PHLDB1: variants seen among roughly 807,000 people sequenced by gnomAD.
PHLDB1 encodes pleckstrin homology like domain family B member 1, also known as pleckstrin homology-like domain family B member 1.
Under a neutral mutation model 139.3 loss-of-function variants are expected in PHLDB1, and 65 were observed. The ratio of observed to expected loss-of-function variants is 0.47; its 90% CI spans 0.38 to 0.57. The LOEUF (loss-of-function observed/expected upper bound fraction) is 0.57. Ranked by LOEUF, PHLDB1 falls within the 20% of genes least tolerant of loss-of-function variation. PHLDB1 has a pLI of 0.00. For missense variants in PHLDB1, 1,624 were observed against 1,839.7 expected (o/e 0.88, Z 2.14); for synonymous variants, 679 against 734.5 (o/e 0.92, Z 1.22).
intron 4 of PHLDB1, among the ~76,000 whole-genome samples, chr11:118,623,169 A>G (rs1397918744): frequency 6.6e-6 from 1 of 152,246 alleles, no homozygotes; most frequent in East Asian, 1.9e-4. Flanking sequence ...CTTCTCTGCC[A>G]GTCTTAGCTC....
intron 20 of PHLDB1, chr11:118,651,474 G>A (rs1171461): frequency 0.33 from 49,931 of 151,490 alleles, 8,454 homozygotes; most frequent in Admixed American, 0.43. Flanking sequence ...GGACAACAGC[G>A]TGAGACTCTG....
In PHLDB1 at chr11:118,645,585, T is replaced by C. The variant is rs888027651; in HGVS notation, c.3351T>C (p.Ser1117=). The C allele has an allele frequency of 5.0e-6, 8 of 1,613,726 alleles. No homozygotes were observed. Among genetic ancestry groups the C allele is most frequent in the Non-Finnish European group, 5.9e-6 (7 of 1,179,828 alleles). The part of the protein sequence containing the change: ...HAYDTLSLES[S]DSMETSISTG... ...ATGATACGCTGAGTCTGGAGAGCTC[T>C]GACAGCATGGAGACCAGCATCTCCA... Residue 1117 remains serine, a synonymous_variant, in exon 16 of 23, where the codon TCT becomes TCC. Transcript: ENST00000600882. The surrounding 1 kb of genome is among the most constrained non-coding windows in gnomAD (Gnocchi z 5.1).
chr11:118,638,277 G>C (rs1945973602), intron 10 of PHLDB1, among the ~76,000 whole-genome samples: 1 of 152,224 alleles, frequency 6.6e-6, no homozygotes, highest in Admixed American at 6.5e-5. Flanking sequence ...TAAGGAGTTT[G>C]TGCTTTATCC....
chr11:118,642,583 G>A (rs1467212289), intron 13 of PHLDB1, among the ~76,000 whole-genome samples, 189 bp downstream of exon 13: 4 of 152,266 alleles, frequency 2.6e-5, no homozygotes, highest in Non-Finnish European at 5.9e-5. Context: ...GGCAACCGGG[G>A]GGCCAGCCTC....
rs782786071 is a variant in PHLDB1 at position 118,645,341 on chromosome 11, C to T, written c.3122-15C>T. 4.6e-6 allele frequency: 7 copies of T among 1,507,930 alleles called. No homozygotes were observed. The African/African-American group carries it at 7.0e-5, about 15-fold the overall frequency. 93.4% of individuals were successfully genotyped at this position (1,507,930 alleles called of 1,614,324 possible). ...GTGGGGAGCCCACTGTGACTCCCAT[C>T]TGTCTCTCCTTCAGGACAACAAGTG... On this transcript the variant is annotated splice_polypyrimidine_tract_variant and intron_variant, in intron 15 of 22. Transcript: ENST00000600882. The surrounding 1 kb of genome is among the most constrained non-coding windows in gnomAD (Gnocchi z 5.1).
chr11:118,627,877 C>T lies in PHLDB1; in HGVS notation c.1054C>T (p.Leu352=). ...CCGGAGAGCCACTGAGAGCCCCCGG[C>T]TGGGTGGGCAGCTGCCTGTGGTGGC... is the stretch of plus-strand genomic sequence containing the variant. ...EARRATESPR[L]GGQLPVVAIS... Residue 352 remains leucine, a synonymous_variant, in exon 6 of 23, where the codon CTG becomes TTG. Coordinates refer to ENST00000600882, the MANE Select transcript of PHLDB1 (RefSeq NM_001144758.3). 6.2e-7 allele frequency: 1 copy of T among 1,609,870 alleles called. No individual in the cohort carries two copies.
At chr11:118,642,619 T>C (rs963764402) in intron 13 of PHLDB1, among the ~76,000 whole-genome samples, 1 of 152,168 alleles carries the variant, frequency 6.6e-6, no homozygotes, top group Admixed American at 6.5e-5. Context: ...TCTGATTGAG[T>C]GTCTGGTGGA....
At position 118,655,852 on chromosome 11, in the gene PHLDB1, C is replaced by G. The variant is rs572325574; in HGVS notation, c.3961-8C>G. 6.8e-5 allele frequency: 110 copies of G among 1,611,266 alleles called. No individual in the cohort carries two copies. In the South Asian group the frequency reaches 1.1e-3, roughly 17 times the overall value. ...CTTTCTCTTCCTTTCTCCCTCTCCCCTTCCCAGAAGAGGTTTTTCCGCTTC... is the reference window on the plus strand; with the variant it reads ...CTTTCTCTTCCTTTCTCCCTCTCCCGTTCCCAGAAGAGGTTTTTCCGCTTC... On this transcript the variant is annotated splice_region_variant and splice_polypyrimidine_tract_variant and intron_variant, in intron 21 of 22. Coordinates refer to ENST00000600882, the MANE Select transcript of PHLDB1 (RefSeq NM_001144758.3).
At chr11:118,607,123 T>C (rs1428562351), upstream of PHLDB1, among the ~76,000 whole-genome samples, 1 of 151,702 alleles carries the variant, frequency 6.6e-6, no homozygotes, top group African/African-American at 2.4e-5. Flanking sequence ...TCTGGAGATG[T>C]TGAGAGCATG....
chr11:118,639,087 G>T, intron 11 of PHLDB1, 75 bp from the exon 12 acceptor site: 3 of 1,540,986 alleles, frequency 1.9e-6, no homozygotes, highest in Non-Finnish European at 2.7e-6. Flanking sequence ...AATGTGCTGG[G>T]GTGGAGCACA....
intron 20 of PHLDB1, chr11:118,651,044 C>G: frequency 6.2e-6 from 1 of 161,044 alleles, no homozygotes; most frequent in Non-Finnish European, 1.4e-5. Context: ...CGACTAGACC[C>G]TCTTGCTCTC....
intron 4 of PHLDB1, among the ~76,000 whole-genome samples, chr11:118,623,464 C>G (rs1243451707): frequency 6.6e-6 from 1 of 152,164 alleles, no homozygotes; most frequent in African/African-American, 2.4e-5. Flanking sequence ...CCTCCCCCTC[C>G]AGGTACTCAC....
chr11:118,641,875 G>GGCCA (rs1946584310), intron 12 of PHLDB1: 1 of 1,088,332 alleles, frequency 9.2e-7, no homozygotes, highest in Non-Finnish European at 1.2e-6. Flanking sequence ...CTTGGCTCTG[G>GGCCA]GCCAGCCCAA....
intron 1 of PHLDB1, chr11:118,613,200 GT>G (rs1191988154): frequency 1.3e-6 from 1 of 761,350 alleles, no homozygotes; most frequent in Non-Finnish European, 1.6e-6. Context: ...ATTGTGTTGG[GT>G]TGAGGTTGCT....
chr11:118,628,063 C>T lies in PHLDB1; in HGVS notation c.1240C>T (p.Arg414Trp). Residue 414 changes from arginine to tryptophan, a missense_variant, in exon 6 of 23, where the codon CGG (arginine) becomes TGG (tryptophan). Arg to Trp is a moderately radical substitution (Grantham distance 101). Coordinates refer to ENST00000600882, the MANE Select transcript of PHLDB1 (RefSeq NM_001144758.3). ...TTTCCGTGAGCCTCCAGGCAGTGAGCGGGTGCTAACAACCAGCCCCTCACG... is the reference window on the plus strand; with the variant it reads ...TTTCCGTGAGCCTCCAGGCAGTGAGTGGGTGCTAACAACCAGCCCCTCACG... The part of the protein sequence containing the change: ...SPFREPPGSE[R>W]VLTTSPSRQL... The T allele has an allele frequency of 2.5e-6, 4 of 1,614,036 alleles. No homozygotes were observed. The highest frequency in any genetic ancestry group is 2.2e-5 in the East Asian group (1 of 44,878).
intron 12 of PHLDB1, chr11:118,641,511 A>C: frequency 1.6e-6 from 1 of 615,270 alleles, no homozygotes; most frequent in South Asian, 2.0e-5. Context: ...CAGGCTCTGT[A>C]CTTTCTGCCC....
chr11:118,628,154 C>A lies in PHLDB1; in HGVS notation c.1331C>A (p.Pro444His), dbSNP rs1466433877. 3 of 1,614,084 alleles carry A rather than the reference C, an allele frequency of 1.9e-6. No homozygotes were observed. Among genetic ancestry groups the A allele is most frequent in the Admixed American group, 3.3e-5 (2 of 60,030 alleles). Residue 444 changes from proline (P) to histidine (H), a missense_variant, in exon 6 of 23, where the codon CCC (proline) becomes CAC (histidine). Transcript: ENST00000600882. ...ATRTLQPPES[P>H]RLGRRGLDSM... ...CGTACCCTGCAGCCTCCTGAGAGTC[C>A]CCGCCTGGGCCGGCGGGGCCTGGAC...
intron 10 of PHLDB1, 62 bp from the exon 11 acceptor site, chr11:118,638,829 G>A: frequency 1.6e-6 from 2 of 1,281,360 alleles, no homozygotes; most frequent in Admixed American, 2.4e-5. Context: ...GAGCCAGCTA[G>A]TTCTCACCTT....
intron 5 of PHLDB1, among the ~76,000 whole-genome samples, chr11:118,625,601 G>T (rs1943717393): frequency 6.6e-6 from 1 of 152,202 alleles, no homozygotes; most frequent in African/African-American, 2.4e-5. Flanking sequence ...CAGCTGCACA[G>T]GGGGGCAGGA....
Sources: gnomAD v4.1 joint callset for allele counts (sites outside exome capture counted in the v4.1 genomes callset) on GRCh38, gnomAD v4.1.1 for gene constraint, Gnocchi (gnomAD v3.1) non-coding constraint, MANE v1.5 for transcripts, NCBI Gene and HGNC (gene_info 2026-07-23, HGNC 2026-07-21) for gene names.